GLB1L3: variants seen among roughly 807,000 people sequenced by gnomAD.
GLB1L3 encodes the protein galactosidase beta 1 like 3, also known as beta-galactosidase-1-like protein 3.
GLB1L3 carries 89 observed loss-of-function variants against 89.5 expected under a neutral mutation model. That is an observed-to-expected ratio of 0.99 (90% CI 0.84 to 1.19). The LOEUF is 1.19. GLB1L3 is among the 50% of genes most tolerant of loss of function. GLB1L3 has a pLI of 0.00. For missense variants in GLB1L3, 812 were observed against 813.3 expected (o/e 1.00, Z 0.02); for synonymous variants, 314 against 312.3 (o/e 1.01, Z -0.06).
chr11:134,321,019 G>A (rs116216712), downstream of GLB1L3, among the ~76,000 whole-genome samples: 726 of 152,266 alleles, frequency 4.8e-3, 4 homozygotes, highest in African/African-American at 0.017. Context: ...GATATGCCAC[G>A]AGCAGATGGA....
chr11:134,297,786 G>C (rs1311047123), intron 9 of GLB1L3, among the ~76,000 whole-genome samples: 1 of 149,528 alleles, frequency 6.7e-6, no homozygotes, highest in Non-Finnish European at 1.5e-5. Flanking sequence ...CTTGAACCCA[G>C]GAGGTGGAGG....
chr11:134,292,199 G>A lies in GLB1L3; in HGVS notation c.797G>A (p.Gly266Asp). ...GATGGTGAGAAACATGTGCTGAGTG[G>A]CCACACCAAAGGAGGTACACATTTA... ...TSDGEKHVLSGHTKGVLAAIN... is the reference protein window; with the variant it reads ...TSDGEKHVLSDHTKGVLAAIN... The change falls in exon 8 of 20, where the codon GGC becomes GAC. Residue 266 changes from glycine (G) to aspartate (D), a missense_variant. Coordinates refer to ENST00000431683, the MANE Select transcript of GLB1L3 (RefSeq NM_001080407.3). 3 of 1,612,518 alleles carry A rather than the reference G, an allele frequency of 1.9e-6. No homozygotes were observed. The highest frequency in any genetic ancestry group is 2.5e-6 in the Non-Finnish European group (3 of 1,178,808).
Position 134,312,412 on chromosome 11 carries a change from T to G in GLB1L3, c.1351T>G (p.Ser451Ala), listed in dbSNP as rs1359291991. ...NLPINNGSGQSYGLVLYEKSI... is the reference protein window; with the variant it reads ...NLPINNGSGQAYGLVLYEKSI... ...TCCCATAAACAATGGGAGCGGCCAG[T>G]CCTACGGGCTTGTCCTGTATGAGAA... The change falls in exon 14 of 20, where the codon TCC (serine) becomes GCC (alanine). Residue 451 changes from serine to alanine, a missense_variant. Ser to Ala is a moderately conservative substitution (Grantham distance 99, BLOSUM62 1). Transcript: ENST00000431683. 2 of 1,613,784 alleles carry G rather than the reference T, an allele frequency of 1.2e-6. No individual in the cohort carries two copies. Among genetic ancestry groups the G allele is most frequent in the Admixed American group, 3.3e-5 (2 of 60,024 alleles).
At chr11:134,314,190 G>A (rs1200884017) in intron 17 of GLB1L3, 140 bp from the exon 18 acceptor site, 1 of 736,680 alleles carries the variant, frequency 1.4e-6, no homozygotes, top group Non-Finnish European at 2.3e-6. Flanking sequence ...CAAGTGTCCT[G>A]ATTCTGATCT....
chr11:134,289,671 A>G (rs1222620797), intron 7 of GLB1L3, among the ~76,000 whole-genome samples: 2 of 152,222 alleles, frequency 1.3e-5, no homozygotes, highest in Admixed American at 1.3e-4. Context: ...TAATGCTTCA[A>G]GAACTTAGTG....
At position 134,312,478 on chromosome 11, in the gene GLB1L3, G is replaced by A; in HGVS notation, c.1417G>A (p.Asp473Asn). The change falls in exon 14 of 20, where the codon GAC becomes AAC. Residue 473 changes from aspartate (D) to asparagine (N), a missense_variant. By Grantham distance (23) the Asp-to-Asn change is conservative. This residue lies in a region of GLB1L3 where 618 missense variants were observed against 604.0 expected (regional missense o/e 1.02). Transcript: ENST00000431683. ...SGGRLRAHAH[D>N]VAQVFLDETM... ...AGGCCGCCTCCGTGCCCACGCTCAT[G>A]ACGTGGCACAGGTAGGGCCAGCAGG... The A allele has an allele frequency of 6.2e-7, 1 of 1,612,646 alleles. No individual in the cohort carries two copies. The highest frequency in any genetic ancestry group is 8.5e-7 in the Non-Finnish European group (1 of 1,179,860).
chr11:134,285,693 G>C (rs1294608851), intron 6 of GLB1L3, among the ~76,000 whole-genome samples: 1 of 152,120 alleles, frequency 6.6e-6, no homozygotes, highest in Non-Finnish European at 1.5e-5. Context: ...AAGGTGGGAG[G>C]ATGGCTTGAG....
chr11:134,285,865 C>A (rs1489299799), intron 6 of GLB1L3, among the ~76,000 whole-genome samples: 3 of 150,414 alleles, frequency 2.0e-5, no homozygotes, highest in Admixed American at 6.6e-5. Flanking sequence ...ACATATAGAT[C>A]TAGGCCTTTG....
intron 7 of GLB1L3, among the ~76,000 whole-genome samples, chr11:134,289,969 G>A (rs993237030): frequency 3.3e-5 from 5 of 152,236 alleles, no homozygotes; most frequent in Non-Finnish European, 5.9e-5. Flanking sequence ...GTGCCTGTGC[G>A]GAGACCTCTG....
intron 3 of GLB1L3, among the ~76,000 whole-genome samples, chr11:134,278,826 T>C (rs1354921310): frequency 6.6e-6 from 1 of 152,234 alleles, no homozygotes; most frequent in Non-Finnish European, 1.5e-5. Flanking sequence ...TTGAGTTTTA[T>C]TGAGAGCTGC....
At chr11:134,294,600 C>G (rs1941534444) in intron 9 of GLB1L3, among the ~76,000 whole-genome samples, 1 of 152,188 alleles carries the variant, frequency 6.6e-6, no homozygotes, top group African/African-American at 2.4e-5. Flanking sequence ...CAACCATCAC[C>G]AGAATCCAAA....
At chr11:134,316,487 A>C (rs1591596979) in intron 18 of GLB1L3, among the ~76,000 whole-genome samples, 1 of 152,302 alleles carries the variant, frequency 6.6e-6, no homozygotes, top group Middle Eastern at 3.4e-3. Context: ...TTGCCATGTT[A>C]GCCTAACAGT....
intron 13 of GLB1L3, 191 bp downstream of exon 13, chr11:134,311,361 G>T (rs1207209722): frequency 3.4e-6 from 2 of 583,078 alleles, no homozygotes; most frequent in East Asian, 5.8e-5. Context: ...GAGTCAGTGT[G>T]CAGGGGAGGG....
downstream of GLB1L3, among the ~76,000 whole-genome samples, chr11:134,322,362 T>A (rs1146190): frequency 0.34 from 51,534 of 152,156 alleles, 10,637 homozygotes; most frequent in Non-Finnish European, 0.44. Context: ...AAGTACCTTG[T>A]ACTTGAGAAA....
At chr11:134,314,470 T>A (rs1013468321) in intron 18 of GLB1L3, 29 bp downstream of exon 18, 10 of 1,358,030 alleles carry the variant, frequency 7.4e-6, no homozygotes, top group African/African-American at 1.4e-5. Context: ...TGCCCTGGTG[T>A]TCCAAACACC....
chr11:134,313,410 G>T lies in GLB1L3; in HGVS notation c.1515G>T (p.Leu505=). 6.3e-7 allele frequency: 1 copy of T among 1,583,162 alleles called. No individual in the cohort carries two copies. ...HIPELRDCRY[L]RILVENQGRV... ...TGTCCCAGCAGGACTGCCGATACCT[G>T]AGGATCCTGGTGGAGAATCAAGGAC... The change falls in exon 16 of 20, where the codon CTG becomes CTT. Residue 505 remains leucine (L), a synonymous_variant. Transcript: ENST00000431683.
chr11:134,279,590 T>A (rs1053387261), intron 3 of GLB1L3, among the ~76,000 whole-genome samples: 1 of 152,080 alleles, frequency 6.6e-6, no homozygotes, highest in African/African-American at 2.4e-5. Context: ...GGTCTCAAAC[T>A]CCTGACCTCA....
At chr11:134,280,771 T>C (rs550291211) in intron 3 of GLB1L3, among the ~76,000 whole-genome samples, 1 of 152,286 alleles carries the variant, frequency 6.6e-6, no homozygotes, top group African/African-American at 2.4e-5. Context: ...AATTGTGTAA[T>C]AAAAACCACA....
intron 10 of GLB1L3, among the ~76,000 whole-genome samples, chr11:134,308,238 T>TCACCAC (rs1343799553): frequency 7.6e-5 from 2 of 26,298 alleles, no homozygotes; most frequent in Admixed American, 3.4e-4. Flanking sequence ...ACCACCACCA[T>TCACCAC]CACCATCACC....
Sources: gnomAD v4.1 joint callset for allele counts (sites outside exome capture counted in the v4.1 genomes callset) on GRCh38, gnomAD v4.1.1 for gene constraint, gnomAD v4.1.1 regional missense constraint, MANE v1.5 for transcripts, NCBI Gene and HGNC (gene_info 2026-07-23, HGNC 2026-07-21) for gene names.